SYN2: variants seen among roughly 807,000 people sequenced by gnomAD.
SYN2 encodes the protein synapsin-2.
Under a neutral mutation model 50.9 loss-of-function variants are expected in SYN2, and 19 were observed. The ratio of observed to expected loss-of-function variants is 0.37; its 90% CI spans 0.26 to 0.55. SYN2 has a LOEUF of 0.55. Ranked by LOEUF, SYN2 falls within the 20% of genes least tolerant of loss-of-function variation. The probability of loss-of-function intolerance (pLI) is 0.81; values close to 1 mark genes in which losing one functional copy is unlikely to be tolerated. For missense variants in SYN2, 587 were observed against 576.4 expected (o/e 1.02, Z -0.19); for synonymous variants, 255 against 224.9 (o/e 1.13, Z -1.20).
chr3:12,161,755 T>G, intron 6 of SYN2, 147 bp downstream of exon 6: 1 of 1,063,172 alleles, frequency 9.4e-7, no homozygotes. Context: ...GCCATGAGTG[T>G]CACCCAACCA....
chr3:12,063,024 A>G (rs1695146375), intron 1 of SYN2, among the ~76,000 whole-genome samples: 1 of 151,992 alleles, frequency 6.6e-6, no homozygotes, highest in South Asian at 2.1e-4. Context: ...GCCATTTTGG[A>G]AAAGGCAAAA....
intron 5 of SYN2, among the ~76,000 whole-genome samples, chr3:12,160,042 C>CAAAAAAAAAAAAAAAAAA: frequency 1.5e-5 from 1 of 67,612 alleles, no homozygotes; most frequent in South Asian, 7.1e-4. Flanking sequence ...GACTCCGTCT[C>CAAAAAAAAAAAAAAAAAA]AAAAAAAAAA....
chr3:12,057,287 C>CTGTCTG (rs71044259), intron 1 of SYN2, among the ~76,000 whole-genome samples: 2,579 of 133,956 alleles, frequency 0.019, 56 homozygotes, highest in Middle Eastern at 0.072. Context: ...GCAAGACTGT[C>CTGTCTG]TGTGTGTGTG....
At chr3:12,010,724 C>G (rs1693896830) in intron 1 of SYN2, among the ~76,000 whole-genome samples, 1 of 152,196 alleles carries the variant, frequency 6.6e-6, no homozygotes, top group Admixed American at 6.5e-5. Flanking sequence ...AAAGCATTAG[C>G]TCTAATTTTT....
intron 1 of SYN2, among the ~76,000 whole-genome samples, chr3:12,018,085 A>T (rs140979527): frequency 6.6e-6 from 1 of 152,322 alleles, no homozygotes; most frequent in African/African-American, 2.4e-5. Flanking sequence ...GTAGGTTAAG[A>T]TGATTACCCA....
intron 5 of SYN2, chr3:12,153,581 G>A: frequency 6.2e-7 from 1 of 1,614,124 alleles, no homozygotes; most frequent in Non-Finnish European, 8.5e-7. Flanking sequence ...AGCTGCAGGT[G>A]CCGTCAACAT....
At chr3:12,110,984 G>T (rs1052915213) in intron 1 of SYN2, among the ~76,000 whole-genome samples, 1 of 152,146 alleles carries the variant, frequency 6.6e-6, no homozygotes, top group Non-Finnish European at 1.5e-5. Context: ...AAGACTTCAG[G>T]GGACTGTTGG....
chr3:12,064,217 A>C (rs953294157), intron 1 of SYN2, among the ~76,000 whole-genome samples: 1 of 152,052 alleles, frequency 6.6e-6, no homozygotes, highest in African/African-American at 2.4e-5. Flanking sequence ...ATACTTATTA[A>C]AACTGTCAAA....
intron 1 of SYN2, among the ~76,000 whole-genome samples, chr3:12,126,992 TA>T (rs1242312940): frequency 6.6e-6 from 1 of 152,200 alleles, no homozygotes. Context: ...GAACAAATAA[TA>T]GGTGCCTAAT....
At chr3:12,007,050 C>A (rs1487481631) in intron 1 of SYN2, among the ~76,000 whole-genome samples, 1 of 152,100 alleles carries the variant, frequency 6.6e-6, no homozygotes, top group Non-Finnish European at 1.5e-5. Flanking sequence ...GGTACTGATA[C>A]TTATTTGTAT....
chr3:12,026,378 A>G (rs1694257048), intron 1 of SYN2, among the ~76,000 whole-genome samples: 1 of 152,148 alleles, frequency 6.6e-6, no homozygotes, highest in Non-Finnish European at 1.5e-5. Context: ...GCAAAACTGA[A>G]ATGAGCAAAA....
intron 1 of SYN2, among the ~76,000 whole-genome samples, chr3:12,133,412 CTGTT>C (rs1696832065): frequency 1.3e-5 from 2 of 152,190 alleles, no homozygotes; most frequent in South Asian, 2.1e-4. Flanking sequence ...TAAAGCCTGA[CTGTT>C]TGAGGTCTTA....
At chr3:12,160,449 G>A (rs969388336) in intron 5 of SYN2, among the ~76,000 whole-genome samples, 2 of 152,036 alleles carry the variant, frequency 1.3e-5, no homozygotes, top group African/African-American at 4.8e-5. Context: ...TTTTCATCAG[G>A]GTCAACATTA....
chr3:12,168,329 G>A (rs372044816), intron 8 of SYN2, 47 bp from the exon 9 acceptor site: 12 of 1,522,022 alleles, frequency 7.9e-6, no homozygotes, highest in Non-Finnish European at 1.1e-5. Flanking sequence ...CAAGCTTTGT[G>A]GTGAGCGAAT....
At position 12,037,009 on chromosome 3, in the gene SYN2, A is replaced by T. The variant is rs150244943; in HGVS notation, c.377+32081A>T. On this transcript the variant is annotated intron_variant, in intron 1 of 12. Coordinates refer to ENST00000621198, the MANE Select transcript of SYN2 (RefSeq NM_133625.6). ...TCTGCATTCCACAAAGTCCTAGGACATGAAGACAATTCCACTAAGTTCTTT... is the reference window on the plus strand; with the variant it reads ...TCTGCATTCCACAAAGTCCTAGGACTTGAAGACAATTCCACTAAGTTCTTT... Among the ~76,000 whole-genome samples, 31 of 152,384 alleles carry T rather than the reference A, an allele frequency of 2.0e-4. No homozygotes were observed. The East Asian group carries it at 5.8e-3, about 28-fold the overall frequency.
rs1474095692 is a variant in SYN2 at position 12,162,165 on chromosome 3, G to T, written c.980+11G>T. The T allele has an allele frequency of 6.2e-7, 1 of 1,613,830 alleles. No homozygotes were observed. The highest frequency in any genetic ancestry group is 8.5e-7 in the Non-Finnish European group (1 of 1,179,802). ...CTACAAGGCTTACATGTGAGTAAGA[G>T]TGGGGTATGTTTTCTCCTCAGTGAT... On this transcript the variant is annotated intron_variant, in intron 7 of 12. Coordinates refer to ENST00000621198, the MANE Select transcript of SYN2 (RefSeq NM_133625.6).
At chr3:12,072,836 G>T (rs191693026) in intron 1 of SYN2, among the ~76,000 whole-genome samples, 1 of 151,944 alleles carries the variant, frequency 6.6e-6, no homozygotes, top group Non-Finnish European at 1.5e-5. Context: ...CTCTGCCCAC[G>T]GGCTTGATCT....
At chr3:12,094,055 A>T (rs1695880975) in intron 1 of SYN2, among the ~76,000 whole-genome samples, 1 of 151,978 alleles carries the variant, frequency 6.6e-6, no homozygotes, top group African/African-American at 2.4e-5. Context: ...GGGATTTCAC[A>T]TGTTGGCCAG....
intron 4 of SYN2, among the ~76,000 whole-genome samples, chr3:12,147,808 A>C (rs762250178): frequency 1.3e-5 from 2 of 152,104 alleles, no homozygotes; most frequent in Non-Finnish European, 2.9e-5. Flanking sequence ...CTCCTAGTGT[A>C]TGGGTTCTCT....
Sources: allele counts gnomAD v4.1 joint callset (sites outside exome capture counted in the v4.1 genomes callset), GRCh38; gene constraint gnomAD v4.1.1; transcripts MANE v1.5; gene names NCBI Gene and HGNC (gene_info 2026-07-23, HGNC 2026-07-21).